GRID2: variants seen among roughly 807,000 people sequenced by gnomAD.
GRID2 encodes the protein glutamate receptor ionotropic, delta-2.
In GRID2, 33 loss-of-function variants were observed where a neutral mutation model predicts 114.8. The observed-to-expected ratio is 0.29, with a 90% CI of 0.22 to 0.38. GRID2 has a LOEUF of 0.38. Among genes scored for constraint, GRID2 ranks in the 10% least tolerant of loss-of-function variants. The probability of loss-of-function intolerance (pLI) is 1.00; values close to 1 mark genes in which losing one functional copy is unlikely to be tolerated. For missense variants in GRID2, 1,184 were observed against 1,257.7 expected, an observed-to-expected ratio of 0.94 and a Z score of 0.89; for synonymous variants, 505 against 449.9, an observed-to-expected ratio of 1.12 and a Z score of -1.55.
At chr4:92,692,024 C>A (rs1435267046) in intron 2 of GRID2, among the ~76,000 whole-genome samples, 2 of 152,058 alleles carry the variant, frequency 1.3e-5, no homozygotes, top group South Asian at 2.1e-4. Context: ...AACTTAGAGA[C>A]AAAAAGCCAC....
chr4:92,600,020 ATG>A (rs1311637074), intron 2 of GRID2, among the ~76,000 whole-genome samples: 3 of 99,714 alleles, frequency 3.0e-5, no homozygotes, highest in African/African-American at 1.4e-4. Context: ...GCAATACTTC[ATG>A]TATGTGTGTG....
intron 2 of GRID2, among the ~76,000 whole-genome samples, chr4:92,627,275 A>C (rs1730571857): frequency 6.6e-6 from 1 of 152,078 alleles, no homozygotes; most frequent in African/African-American, 2.4e-5. Context: ...CTAAGGGTCC[A>C]ATTTCATAGT....
chr4:93,378,699 C>T (rs1763589111), intron 8 of GRID2, among the ~76,000 whole-genome samples: 1 of 152,040 alleles, frequency 6.6e-6, no homozygotes, highest in African/African-American at 2.4e-5. Context: ...TCTTAAGATT[C>T]CAAATTTTTA....
chr4:92,458,392 A>G (rs1389908382), intron 1 of GRID2, among the ~76,000 whole-genome samples: 1 of 152,132 alleles, frequency 6.6e-6, no homozygotes, highest in Non-Finnish European at 1.5e-5. Context: ...CATCCTCAGG[A>G]ACCTTATCTG....
intron 14 of GRID2, among the ~76,000 whole-genome samples, chr4:93,749,854 C>T (rs987929635): frequency 6.6e-6 from 1 of 152,170 alleles, no homozygotes; most frequent in African/African-American, 2.4e-5. Context: ...TTACTTCACT[C>T]CCTTATGCCT....
At chr4:92,623,309 T>TATATATGACCTGCTTATCCTC (rs1730363418) in intron 2 of GRID2, among the ~76,000 whole-genome samples, 3 of 151,188 alleles carry the variant, frequency 2.0e-5, no homozygotes, top group Non-Finnish European at 3.0e-5. Context: ...TCTTAGGATA[T>TATATATGACCTGCTTATCCTC]ATATATGACC....
At chr4:92,700,351 T>A (rs1259306569) in intron 2 of GRID2, among the ~76,000 whole-genome samples, 1 of 152,148 alleles carries the variant, frequency 6.6e-6, no homozygotes, top group Non-Finnish European at 1.5e-5. Flanking sequence ...TGCTCACAAT[T>A]CTCATCTTTA....
intron 4 of GRID2, among the ~76,000 whole-genome samples, chr4:93,164,242 C>T (rs767718772): frequency 6.6e-5 from 10 of 151,946 alleles, no homozygotes; most frequent in African/African-American, 1.2e-4. Flanking sequence ...TTGTAGAAAG[C>T]GACATAAATA....
At chr4:92,445,975 C>G (rs902050789) in intron 1 of GRID2, among the ~76,000 whole-genome samples, 13 of 152,142 alleles carry the variant, frequency 8.5e-5, no homozygotes, top group East Asian at 7.7e-4. Flanking sequence ...GACAGAGTCT[C>G]CCTCTGTAGC....
chr4:92,320,442 G>A (rs1337713399), intron 1 of GRID2, among the ~76,000 whole-genome samples: 1 of 152,020 alleles, frequency 6.6e-6, no homozygotes, highest in Non-Finnish European at 1.5e-5. Flanking sequence ...TTATGTCTCA[G>A]TTTAGAATTA....
Position 92,688,037 on chromosome 4 carries a change from C to CTTTTTT in GRID2, c.244+97775_244+97780dup, listed in dbSNP as rs760605020. On this transcript the variant is annotated intron_variant, in intron 2 of 15. Transcript: ENST00000282020. ...GCCACATTGGTTGACCCTTCTTCTT[C>CTTTTTT]TTTTTTTTTTTTTTTTTTTTTTTTT... Among the ~76,000 whole-genome samples the CTTTTTT allele has an allele frequency of 8.8e-3, 393 of 44,630 alleles. 25 individuals are homozygous for CTTTTTT. Among genetic ancestry groups the CTTTTTT allele is most frequent in the Non-Finnish European group, 0.011 (283 of 24,630 alleles). The allele number at this position is 44,630 out of a possible 152,430, so 29.3% of individuals were successfully genotyped here.
intron 8 of GRID2, chr4:93,306,067 T>C (rs1327751831): frequency 6.6e-6 from 1 of 152,218 alleles, no homozygotes; most frequent in East Asian, 1.9e-4. Flanking sequence ...GAAACTTTGT[T>C]AACGTTACGA....
intron 1 of GRID2, among the ~76,000 whole-genome samples, chr4:92,486,156 TAAATA>T (rs1014793275): frequency 3.3e-5 from 5 of 151,070 alleles, no homozygotes; most frequent in Admixed American, 3.3e-4. Flanking sequence ...TATAAAAATA[TAAATA>T]AAATAAAAAA....
chr4:92,449,928 C>T (rs1366999696), intron 1 of GRID2, among the ~76,000 whole-genome samples: 3 of 151,466 alleles, frequency 2.0e-5, no homozygotes, highest in Admixed American at 1.3e-4. Flanking sequence ...TCAGAGAAAG[C>T]AATTAGATTA....
chr4:92,522,762 C>T (rs535802380), intron 1 of GRID2, among the ~76,000 whole-genome samples: 50 of 151,924 alleles, frequency 3.3e-4, no homozygotes, highest in African/African-American at 1.2e-3. Flanking sequence ...GAATGCTTCT[C>T]AAATGAGATT....
intron 4 of GRID2, among the ~76,000 whole-genome samples, chr4:93,154,753 AAAAC>A (rs554455866): frequency 5.1e-4 from 78 of 151,648 alleles, no homozygotes; most frequent in African/African-American, 1.6e-3. Context: ...AACAAAAACA[AAAAC>A]AAACAAACAA....
intron 1 of GRID2, among the ~76,000 whole-genome samples, chr4:92,439,357 C>G (rs1485869549): frequency 6.6e-6 from 1 of 152,156 alleles, no homozygotes; most frequent in African/African-American, 2.4e-5. Flanking sequence ...CGTATATGTG[C>G]AAGTCACAGG....
intron 14 of GRID2, among the ~76,000 whole-genome samples, chr4:93,746,742 C>A (rs1269463720): frequency 6.6e-6 from 1 of 151,998 alleles, no homozygotes; most frequent in East Asian, 1.9e-4. Context: ...GTAGCATATT[C>A]TTTTAAGAGA....
intron 7 of GRID2, among the ~76,000 whole-genome samples, chr4:93,227,532 C>T (rs1315659259): frequency 1.3e-5 from 2 of 152,118 alleles, no homozygotes; most frequent in African/African-American, 2.4e-5. Flanking sequence ...TGTCCCTGAA[C>T]ATAGGTTTTC....
Sources: allele counts gnomAD v4.1 joint callset (sites outside exome capture counted in the v4.1 genomes callset), GRCh38; gene constraint gnomAD v4.1.1; transcripts MANE v1.5; gene names NCBI Gene and HGNC (gene_info 2026-07-23, HGNC 2026-07-21).